Variants in CNTNAP5 observed in about 807,000 individuals in gnomAD.
CNTNAP5 encodes contactin-associated protein-like 5.
CNTNAP5 carries 72 observed loss-of-function variants against 150.2 expected under a neutral mutation model. That is an observed-to-expected ratio of 0.48 (90% CI 0.40 to 0.58). The LOEUF (loss-of-function observed/expected upper bound fraction) is 0.58. Ranked by LOEUF, CNTNAP5 falls within the 20% of genes least tolerant of loss-of-function variation. CNTNAP5 has a pLI of 0.00. For missense variants in CNTNAP5, 1,636 were observed against 1,626.2 expected, an observed-to-expected ratio of 1.01 and a Z score of -0.10; for synonymous variants, 672 against 619.8, an observed-to-expected ratio of 1.08 and a Z score of -1.25.
At chr2:124,518,216 G>T (rs1285670705) in intron 8 of CNTNAP5, among the ~76,000 whole-genome samples, 1 of 152,120 alleles carries the variant, frequency 6.6e-6, no homozygotes, top group Non-Finnish European at 1.5e-5. Flanking sequence ...TCAAGTGTGA[G>T]CTATAAAGGG....
intron 1 of CNTNAP5, among the ~76,000 whole-genome samples, chr2:124,094,153 G>A (rs577541148): frequency 1.3e-5 from 2 of 152,204 alleles, no homozygotes; most frequent in Non-Finnish European, 2.9e-5. Context: ...TGGTCTAAAC[G>A]TGCAAACTCA....
intron 14 of CNTNAP5, among the ~76,000 whole-genome samples, chr2:124,761,322 G>T (rs1297395733): frequency 3.9e-5 from 6 of 152,012 alleles, no homozygotes; most frequent in Non-Finnish European, 8.8e-5. Context: ...GACCTTAAAA[G>T]CAGGAATAAA....
intron 6 of CNTNAP5, among the ~76,000 whole-genome samples, chr2:124,465,895 C>T (rs1693366125): frequency 6.6e-6 from 1 of 152,036 alleles, no homozygotes; most frequent in African/African-American, 2.4e-5. Flanking sequence ...TCTAGGAGTT[C>T]TTGGATGGAG....
At chr2:124,521,779 GT>G (rs1215433174) in intron 8 of CNTNAP5, among the ~76,000 whole-genome samples, 3 of 152,026 alleles carry the variant, frequency 2.0e-5, no homozygotes, top group Non-Finnish European at 2.9e-5. Flanking sequence ...GCAAGTGAAA[GT>G]TTTTAAAAAG....
At chr2:124,795,769 G>A (rs527584710) in intron 18 of CNTNAP5, among the ~76,000 whole-genome samples, 6 of 152,024 alleles carry the variant, frequency 3.9e-5, no homozygotes, top group Admixed American at 6.6e-5. Flanking sequence ...CACCTACCTC[G>A]GCCTCCCAAT....
At position 124,262,747 on chromosome 2, in the gene CNTNAP5, C is replaced by T. The variant is rs141781066; in HGVS notation, c.381+20354C>T. Among the ~76,000 whole-genome samples the T allele has an allele frequency of 3.7e-3, 562 of 151,558 alleles. 2 individuals are homozygous for T. The highest frequency in any genetic ancestry group is 0.011 in the African/African-American group (448 of 41,292). Reference sequence around the variant, plus strand: ...TATGTGCCATGTTGGTGTGCTGCACCGATTAACTTGTCATTTACATTGGGT... The same window carrying T: ...TATGTGCCATGTTGGTGTGCTGCACTGATTAACTTGTCATTTACATTGGGT... On this transcript the variant is annotated intron_variant, in intron 3 of 23. Coordinates refer to ENST00000682447, the MANE Select transcript of CNTNAP5 (RefSeq NM_001367498.1).
chr2:124,555,457 A>G (rs971631751), intron 10 of CNTNAP5, among the ~76,000 whole-genome samples: 2 of 152,220 alleles, frequency 1.3e-5, no homozygotes, highest in African/African-American at 2.4e-5. Flanking sequence ...TCACTGTATC[A>G]TTGGATTCAA....
At chr2:124,268,460 G>A (rs1573879388) in intron 3 of CNTNAP5, among the ~76,000 whole-genome samples, 1 of 152,202 alleles carries the variant, frequency 6.6e-6, no homozygotes, top group African/African-American at 2.4e-5. Context: ...ACCCTACAGT[G>A]ATGTAGTGCT....
chr2:124,510,317 ATATC>A (rs1401466191), intron 8 of CNTNAP5, among the ~76,000 whole-genome samples: 1 of 123,110 alleles, frequency 8.1e-6, no homozygotes, highest in African/African-American at 3.1e-5. Context: ...ATATATCTAT[ATATC>A]TATCTATATA....
At chr2:124,428,299 C>T (rs904602450) in intron 4 of CNTNAP5, among the ~76,000 whole-genome samples, 1 of 152,194 alleles carries the variant, frequency 6.6e-6, no homozygotes, top group Non-Finnish European at 1.5e-5. Context: ...GTTCAGCGCT[C>T]CCTCAGCACA....
chr2:124,207,433 T>C (rs1361121774), intron 1 of CNTNAP5, among the ~76,000 whole-genome samples: 1 of 152,142 alleles, frequency 6.6e-6, no homozygotes, highest in African/African-American at 2.4e-5. Context: ...GACCATTCAA[T>C]TTGCAAAGTA....
chr2:124,410,247 C>A (rs1302855958), intron 3 of CNTNAP5, among the ~76,000 whole-genome samples: 1 of 147,472 alleles, frequency 6.8e-6, no homozygotes, highest in Admixed American at 6.8e-5. Flanking sequence ...GAGTGACCTA[C>A]AAAGAGACTT....
chr2:124,912,259 C>T (rs1210006996), intron 23 of CNTNAP5, among the ~76,000 whole-genome samples: 1 of 152,106 alleles, frequency 6.6e-6, no homozygotes, highest in Admixed American at 6.6e-5. Flanking sequence ...ATAACCTTAG[C>T]AGGTGCCGCC....
At position 124,120,257 on chromosome 2, in the gene CNTNAP5, C is replaced by T. The variant is rs570211108; in HGVS notation, c.82+94525C>T. 1.6e-4 allele frequency among the ~76,000 whole-genome samples: 24 copies of T among 152,268 alleles called. No homozygotes were observed. The South Asian group carries it at 5.0e-3, about 32-fold the overall frequency. On this transcript the variant is annotated intron_variant, in intron 1 of 23. Transcript: ENST00000682447. ...CCAACCGAGGTCCTCCCATCACCTC[C>T]CAGAGCCTAGGCTGAGCTGCAAAGG...
intron 17 of CNTNAP5, among the ~76,000 whole-genome samples, chr2:124,784,207 A>G (rs888278167): frequency 3.7e-4 from 57 of 152,168 alleles, no homozygotes; most frequent in African/African-American, 1.3e-3. Context: ...CACTGTACTA[A>G]TTTTTATGAA....
intron 3 of CNTNAP5, among the ~76,000 whole-genome samples, chr2:124,349,599 AGACT>A (rs1689823621): frequency 6.6e-6 from 1 of 152,200 alleles, no homozygotes; most frequent in Non-Finnish European, 1.5e-5. Flanking sequence ...ACCTATAAGA[AGACT>A]GATTCTTTCA....
chr2:124,492,294 T>A lies in CNTNAP5; in HGVS notation c.1063-11998T>A, dbSNP rs543808012. Among the ~76,000 whole-genome samples the A allele has an allele frequency of 3.4e-3, 525 of 152,274 alleles. 1 individual carries two copies. The highest frequency in any genetic ancestry group is 6.2e-3 in the Non-Finnish European group (424 of 68,014). On this transcript the variant is annotated intron_variant, in intron 7 of 23. Transcript: ENST00000682447. ...TACATTTCAAGTTAATTTTTGTGAG[T>A]GTTGTAAGACAAGGACTTAATTTCA...
At chr2:124,303,106 C>T (rs1207090643) in intron 3 of CNTNAP5, among the ~76,000 whole-genome samples, 1 of 152,146 alleles carries the variant, frequency 6.6e-6, no homozygotes, top group African/African-American at 2.4e-5. Flanking sequence ...TTTCCACCAG[C>T]TTCCACTGTG....
intron 3 of CNTNAP5, among the ~76,000 whole-genome samples, chr2:124,398,878 C>T (rs755552886): frequency 1.3e-5 from 2 of 152,044 alleles, no homozygotes; most frequent in African/African-American, 2.4e-5. Context: ...TGCAGTGATC[C>T]AGGAAGGACA....
Sources: allele counts gnomAD v4.1 joint callset (sites outside exome capture counted in the v4.1 genomes callset), GRCh38; gene constraint gnomAD v4.1.1; transcripts MANE v1.5; gene names NCBI Gene and HGNC (gene_info 2026-07-23, HGNC 2026-07-21).